SH3PXD2A: variants seen among roughly 807,000 people sequenced by gnomAD.
SH3PXD2A encodes the protein SH3 and PX domains 2A, also known as SH3 and PX domain-containing protein 2A.
In SH3PXD2A, 32 loss-of-function variants were observed where a neutral mutation model predicts 115.2. The ratio of observed to expected loss-of-function variants is 0.28; its 90% confidence interval spans 0.21 to 0.37. The LOEUF (loss-of-function observed/expected upper bound fraction) is 0.37. Among genes scored for constraint, SH3PXD2A ranks in the 10% least tolerant of loss-of-function variants. SH3PXD2A has a pLI of 1.00. For synonymous variants in SH3PXD2A, 610 were observed against 629.1 expected (o/e 0.97, Z 0.45); for missense variants, 1,328 against 1,498.7 (o/e 0.89, Z 1.88).
intron 6 of SH3PXD2A, among the ~76,000 whole-genome samples, chr10:103,690,466 A>G (rs1479079653): frequency 6.6e-6 from 1 of 152,148 alleles, no homozygotes; most frequent in Admixed American, 6.5e-5. Flanking sequence ...AGGCCGGCAG[A>G]GACTAAGGGA....
chr10:103,670,272 G>A (rs1193770296), intron 6 of SH3PXD2A, among the ~76,000 whole-genome samples: 3 of 152,176 alleles, frequency 2.0e-5, no homozygotes, highest in Non-Finnish European at 4.4e-5. Context: ...TATAGGCTCT[G>A]CTCCTTTGAA....
intron 6 of SH3PXD2A, among the ~76,000 whole-genome samples, chr10:103,679,650 A>G (rs1030927009): frequency 6.6e-5 from 10 of 152,266 alleles, no homozygotes; most frequent in Admixed American, 6.5e-5. Flanking sequence ...CTCACAGGCC[A>G]GAAGAACTTG....
chr10:103,769,160 G>A (rs1394148237), intron 2 of SH3PXD2A, among the ~76,000 whole-genome samples: 2 of 150,444 alleles, frequency 1.3e-5, no homozygotes, highest in Admixed American at 6.6e-5. Flanking sequence ...GTGTGTGTGT[G>A]TGTGTGTGTG....
At chr10:103,619,331 G>A (rs555237227) in intron 10 of SH3PXD2A, among the ~76,000 whole-genome samples, 34 of 152,196 alleles carry the variant, frequency 2.2e-4, no homozygotes, top group Non-Finnish European at 3.4e-4. Context: ...CCAGCTCAGC[G>A]GCGGCCAGAG....
rs142514067 is a variant in SH3PXD2A at position 103,724,183 on chromosome 10, G to T, written c.398+87C>A. 3.1e-3 allele frequency: 1,821 copies of T among 595,166 alleles called. 4 individuals are homozygous for T. Among genetic ancestry groups the T allele is most frequent in the Middle Eastern group, 7.5e-3 (25 of 3,322 alleles). The allele number at this position is 595,166 out of a possible 1,614,324, so 36.9% of individuals were successfully genotyped here. On this transcript the variant is annotated intron_variant, in intron 5 of 14. Coordinates refer to ENST00000369774, the MANE Select transcript of SH3PXD2A (RefSeq NM_001394015.1). ...CCCTGCTAGCTCACCTTCTGCTTGT[G>T]TTCCCACAGCCTCAGCCTCCCCAGG...
intron 8 of SH3PXD2A, among the ~76,000 whole-genome samples, chr10:103,658,092 T>C (rs2037237573): frequency 6.6e-6 from 1 of 152,252 alleles, no homozygotes; most frequent in Non-Finnish European, 1.5e-5. Context: ...GAATGATGTA[T>C]GTGAAGCATG....
At chr10:103,636,351 G>T (rs1035272228) in intron 8 of SH3PXD2A, among the ~76,000 whole-genome samples, 7 of 151,324 alleles carry the variant, frequency 4.6e-5, no homozygotes, top group African/African-American at 1.7e-4. Context: ...GGAGCTTGCA[G>T]TGAGTCGAGA....
intron 3 of SH3PXD2A, among the ~76,000 whole-genome samples, chr10:103,737,899 G>A (rs2038397917): frequency 6.6e-6 from 1 of 152,222 alleles, no homozygotes; most frequent in South Asian, 2.1e-4. Context: ...ACAGTGGAAC[G>A]TGTAACTGCA....
intron 3 of SH3PXD2A, among the ~76,000 whole-genome samples, chr10:103,765,081 C>A (rs2038739903): frequency 6.6e-6 from 1 of 152,204 alleles, no homozygotes. Flanking sequence ...GAAGTACATT[C>A]TATCATTATC....
chr10:103,607,293 G>A (rs569561238), intron 13 of SH3PXD2A, among the ~76,000 whole-genome samples: 8 of 151,292 alleles, frequency 5.3e-5, no homozygotes, highest in East Asian at 3.9e-4. Flanking sequence ...GAGCCCCTCC[G>A]CCCGGCAGCC....
At chr10:103,647,879 T>C (rs946235517) in intron 8 of SH3PXD2A, among the ~76,000 whole-genome samples, 3 of 152,136 alleles carry the variant, frequency 2.0e-5, no homozygotes, top group Non-Finnish European at 2.9e-5. Context: ...AATCAGATGC[T>C]TGCCCAGGAG....
intron 11 of SH3PXD2A, among the ~76,000 whole-genome samples, chr10:103,616,821 G>A (rs1425889923): frequency 6.7e-6 from 1 of 150,096 alleles, no homozygotes; most frequent in African/African-American, 2.4e-5. Context: ...GCGGACGCCA[G>A]TGCTCCAGGC....
chr10:103,608,150 T>TAAAAAAAAAAAAAAAAGTTTAC (rs60345299), intron 13 of SH3PXD2A, among the ~76,000 whole-genome samples: 64 of 32,656 alleles, frequency 2.0e-3, no homozygotes, highest in South Asian at 5.4e-3. Flanking sequence ...ATGATCAATT[T>TAAAAAAAAAAAAAAAAGTTTAC]AAAAAAAAAA....
Position 103,603,016 on chromosome 10 carries a change from G to T in SH3PXD2A, c.2202C>A (p.Val734=). 1 of 1,614,138 alleles carries T rather than the reference G, an allele frequency of 6.2e-7. No individual in the cohort carries two copies. Among genetic ancestry groups the T allele is most frequent in the South Asian group, 1.1e-5 (1 of 91,078 alleles). Reference sequence around the variant, plus strand: ...TCGCATCAGCATCCTTCTTTGCCCTGACCTTGGGAGTGCCGCGGATGCCTG... The same window carrying T: ...TCGCATCAGCATCCTTCTTTGCCCTTACCTTGGGAGTGCCGCGGATGCCTG... ...SDAGIRGTPK[V]RAKKDADANA... Residue 734 remains valine (V), a synonymous_variant, in exon 15 of 15, where the codon GTC becomes GTA. Coordinates refer to ENST00000369774, the MANE Select transcript of SH3PXD2A (RefSeq NM_001394015.1).
chr10:103,622,175 C>T (rs1292878557), intron 10 of SH3PXD2A, among the ~76,000 whole-genome samples: 3 of 152,098 alleles, frequency 2.0e-5, no homozygotes, highest in Admixed American at 6.5e-5. Context: ...CTTAAAGACC[C>T]GAAACCCCCT....
intron 1 of SH3PXD2A, among the ~76,000 whole-genome samples, chr10:103,822,459 C>T (rs1234961451): frequency 6.6e-6 from 1 of 152,244 alleles, no homozygotes; most frequent in African/African-American, 2.4e-5. Context: ...CCTGCCATGG[C>T]CCCCCATTCC....
chr10:103,614,117 T>G (rs2036472332), intron 11 of SH3PXD2A, among the ~76,000 whole-genome samples: 1 of 150,468 alleles, frequency 6.6e-6, no homozygotes, highest in Non-Finnish European at 1.5e-5. Context: ...TAGCTGGGTG[T>G]GATGGTGCAT....
chr10:103,811,291 A>G (rs1011139704), intron 1 of SH3PXD2A, among the ~76,000 whole-genome samples: 1 of 152,240 alleles, frequency 6.6e-6, no homozygotes, highest in Admixed American at 6.5e-5. Context: ...CAGTCCAAAG[A>G]GTCAGCTCCG....
intron 1 of SH3PXD2A, among the ~76,000 whole-genome samples, chr10:103,831,076 A>T (rs748929666): frequency 6.6e-6 from 1 of 152,256 alleles, no homozygotes; most frequent in East Asian, 1.9e-4. Context: ...TACTACAAAC[A>T]TATGTAACCA....
Sources: gnomAD v4.1 joint callset for allele counts (sites outside exome capture counted in the v4.1 genomes callset) on GRCh38, gnomAD v4.1.1 for gene constraint, MANE v1.5 for transcripts, NCBI Gene and HGNC (gene_info 2026-07-23, HGNC 2026-07-21) for gene names.